MAP3K1: variants seen among roughly 807,000 people sequenced by gnomAD.
MAP3K1 encodes the protein mitogen-activated protein kinase kinase kinase 1, also known as MAP/ERK kinase kinase 1.
A neutral mutation model predicts 144.2 loss-of-function variants in MAP3K1; 36 were observed. The observed-to-expected ratio is 0.25, with a 90% CI of 0.19 to 0.33. The LOEUF (loss-of-function observed/expected upper bound fraction) is 0.33. MAP3K1 is among the 10% of genes least tolerant of loss of function. The pLI, the probability that MAP3K1 is intolerant of heterozygous loss-of-function variation, is 1.00. For synonymous variants in MAP3K1, 718 were observed against 688.7 expected, an observed-to-expected ratio of 1.04 and a Z score of -0.67; for missense variants, 1,650 against 1,881.9, an observed-to-expected ratio of 0.88 and a Z score of 2.28.
Position 56,883,560 on chromosome 5 carries a change from A to C in MAP3K1, c.3700A>C (p.Lys1234Gln). The change falls in exon 15 of 20, where the codon AAA (lysine) becomes CAA (glutamine). Residue 1234 changes from lysine (K) to glutamine (Q), a missense_variant. By Grantham distance (53) the Lys-to-Gln change is moderately conservative. Coordinates refer to ENST00000399503, the MANE Select transcript of MAP3K1 (RefSeq NM_005921.2). ...GACTCTACCAGGACATACCAAAGCA[A>C]AACAACCGTATAGAGAAGACACTGA... ...PETLPGHTKA[K>Q]QPYREDTEWL... 1 of 1,614,134 alleles carries C rather than the reference A, an allele frequency of 6.2e-7. No homozygotes were observed. Among genetic ancestry groups the C allele is most frequent in the Non-Finnish European group, 8.5e-7 (1 of 1,179,996 alleles).
At chr5:56,845,080 G>A (rs746176082) in intron 1 of MAP3K1, among the ~76,000 whole-genome samples, 1 of 152,126 alleles carries the variant, frequency 6.6e-6, no homozygotes, top group Non-Finnish European at 1.5e-5. Flanking sequence ...AAACAGTTAA[G>A]GGCTTTTTTA....
chr5:56,875,270 T>G lies in MAP3K1; in HGVS notation c.1925T>G (p.Val642Gly), dbSNP rs866945834. 24 of 1,614,152 alleles carry G rather than the reference T, an allele frequency of 1.5e-5. No homozygotes were observed. The Middle Eastern group carries it at 5.0e-4, about 33-fold the overall frequency. The change falls in exon 10 of 20, where the codon GTC becomes GGC. Residue 642 changes from valine to glycine, a missense_variant. By Grantham distance (109) the Val-to-Gly change is moderately radical. This residue lies in a region of MAP3K1 where 841 missense variants were observed against 886.5 expected (regional missense o/e 0.95). Transcript: ENST00000399503. Reference protein sequence around the residue: ...VEACCSVLSMVCADPVYKVYV... With the variant: ...VEACCSVLSMGCADPVYKVYV... Reference sequence around the variant, plus strand: ...GCATGCTGCAGCGTTCTGTCAATGGTCTGTGCTGACCCTGTCTACAAAGTG... The same window carrying G: ...GCATGCTGCAGCGTTCTGTCAATGGGCTGTGCTGACCCTGTCTACAAAGTG...
chr5:56,858,515 A>G (rs1747407312), intron 2 of MAP3K1, among the ~76,000 whole-genome samples: 1 of 152,208 alleles, frequency 6.6e-6, no homozygotes, highest in African/African-American at 2.4e-5. Context: ...CGGATTTCGT[A>G]TTATCCTTAG....
At chr5:56,825,386 A>G (rs1470812342) in intron 1 of MAP3K1, among the ~76,000 whole-genome samples, 2 of 152,226 alleles carry the variant, frequency 1.3e-5, no homozygotes, top group Non-Finnish European at 2.9e-5. Context: ...TTAACCAGGA[A>G]GAAAAGGATT....
chr5:56,829,258 T>C (rs1326031035), intron 1 of MAP3K1, among the ~76,000 whole-genome samples: 1 of 151,788 alleles, frequency 6.6e-6, no homozygotes, highest in Non-Finnish European at 1.5e-5. Flanking sequence ...CATGACTCAC[T>C]GCAGCGTCAA....
At chr5:56,863,633 T>G (rs1747586121) in intron 3 of MAP3K1, among the ~76,000 whole-genome samples, 1 of 152,242 alleles carries the variant, frequency 6.6e-6, no homozygotes, top group Non-Finnish European at 1.5e-5. Flanking sequence ...TGGACATATA[T>G]TCTCATTTCT....
intron 1 of MAP3K1, among the ~76,000 whole-genome samples, chr5:56,844,868 A>C (rs1180276953): frequency 6.6e-6 from 1 of 151,732 alleles, no homozygotes; most frequent in Non-Finnish European, 1.5e-5. Context: ...TAAAGAAGAA[A>C]AGCTGCATTT....
chr5:56,888,239 A>G lies in MAP3K1; in HGVS notation c.4271A>G (p.Gln1424Arg). Residue 1424 changes from glutamine to arginine, a missense_variant, in exon 19 of 20, where the codon CAA (glutamine) becomes CGA (arginine). Gln to Arg is a conservative substitution (Grantham distance 43). Coordinates refer to ENST00000399503, the MANE Select transcript of MAP3K1 (RefSeq NM_005921.2). ...AFMAPEVLRG[Q>R]QYGRSCDVWS... ...GATTTATTTTAGGTACTAAGAGGTC[A>G]ACAGTATGGAAGGAGCTGTGATGTA... is the stretch of plus-strand genomic sequence containing the variant. 9.3e-6 allele frequency: 15 copies of G among 1,613,936 alleles called. No homozygotes were observed. Among genetic ancestry groups the G allele is most frequent in the Non-Finnish European group, 1.2e-5 (14 of 1,179,814 alleles).
chr5:56,850,121 C>G (rs894297961), intron 1 of MAP3K1, among the ~76,000 whole-genome samples: 22 of 152,148 alleles, frequency 1.4e-4, no homozygotes, highest in Admixed American at 3.3e-4. Context: ...TTACCTGGAA[C>G]CTTACACTTT....
At chr5:56,824,171 A>G (rs1035512624) in intron 1 of MAP3K1, among the ~76,000 whole-genome samples, 4 of 152,254 alleles carry the variant, frequency 2.6e-5, no homozygotes, top group Non-Finnish European at 5.9e-5. Context: ...GAACCCATGT[A>G]ACAAAACATT....
At chr5:56,868,890 A>G (rs1450111058) in intron 6 of MAP3K1, among the ~76,000 whole-genome samples, 1 of 152,144 alleles carries the variant, frequency 6.6e-6, no homozygotes, top group East Asian at 1.9e-4. Flanking sequence ...TTACAAAGGA[A>G]GGAAGTGTGC....
intron 1 of MAP3K1, among the ~76,000 whole-genome samples, chr5:56,851,290 G>A (rs1305650510): frequency 6.6e-6 from 1 of 152,192 alleles, no homozygotes; most frequent in Non-Finnish European, 1.5e-5. Flanking sequence ...CTGTGTGCCA[G>A]GCATTGTGCA....
At chr5:56,860,579 G>A (rs1747476009) in intron 3 of MAP3K1, among the ~76,000 whole-genome samples, 2 of 152,162 alleles carry the variant, frequency 1.3e-5, no homozygotes, top group African/African-American at 4.8e-5. Context: ...AAGGCTGGGA[G>A]CGGTGGCTCA....
intron 6 of MAP3K1, among the ~76,000 whole-genome samples, chr5:56,868,827 A>G (rs960702324): frequency 6.6e-6 from 1 of 152,236 alleles, no homozygotes; most frequent in African/African-American, 2.4e-5. Flanking sequence ...GTGTCCATCA[A>G]TAAATGAATG....
At chr5:56,851,740 A>G (rs574788037) in intron 1 of MAP3K1, among the ~76,000 whole-genome samples, 203 of 152,336 alleles carry the variant, frequency 1.3e-3, no homozygotes, top group African/African-American at 4.6e-3. Context: ...ACCAAGGAAC[A>G]TTCCTGGACC....
chr5:56,854,489 C>T (rs982565295), intron 1 of MAP3K1, among the ~76,000 whole-genome samples: 1 of 142,956 alleles, frequency 7.0e-6, no homozygotes, highest in Non-Finnish European at 1.5e-5. Context: ...AGTCCTTAAA[C>T]ATAAATAAGG....
At chr5:56,817,703 A>G (rs962044173) in intron 1 of MAP3K1, among the ~76,000 whole-genome samples, 2 of 152,240 alleles carry the variant, frequency 1.3e-5, no homozygotes, top group African/African-American at 4.8e-5. Context: ...AATGAATTCC[A>G]GATAAAAATT....
intron 1 of MAP3K1, among the ~76,000 whole-genome samples, chr5:56,853,097 A>G (rs1747226179): frequency 6.6e-6 from 1 of 152,210 alleles, no homozygotes; most frequent in South Asian, 2.1e-4. Flanking sequence ...GATTTACTAT[A>G]TATTTCATTG....
At chr5:56,892,887 AAG>A in intron 19 of MAP3K1, among the ~76,000 whole-genome samples, 1 of 152,228 alleles carries the variant, frequency 6.6e-6, no homozygotes, top group East Asian at 1.9e-4. Flanking sequence ...TTAGAATGTA[AAG>A]AGTGTATCAC....
Sources: gnomAD v4.1 joint callset for allele counts (sites outside exome capture counted in the v4.1 genomes callset) on GRCh38, gnomAD v4.1.1 for gene constraint, gnomAD v4.1.1 regional missense constraint, MANE v1.5 for transcripts, NCBI Gene and HGNC (gene_info 2026-07-23, HGNC 2026-07-21) for gene names.